The following AGK variants were observed in gnomAD, a reference collection of about 807,000 sequenced individuals.
AGK encodes acylglycerol kinase, mitochondrial.
Under a neutral mutation model 66.4 loss-of-function variants are expected in AGK, and 52 were observed. That is an observed-to-expected ratio of 0.78 (90% confidence interval 0.63 to 0.99). AGK has a LOEUF of 0.99. Among genes scored for constraint, AGK ranks in the 50% least tolerant of loss-of-function variants. The pLI is 0.00. For missense variants in AGK, 451 were observed against 506.6 expected (o/e 0.89, Z 1.05); for synonymous variants, 182 against 181.1 (o/e 1.00, Z -0.04).
intron 5 of AGK, among the ~76,000 whole-genome samples, chr7:141,604,408 A>ATACATACACACACACACATATTATT (rs1796411408): frequency 6.8e-6 from 1 of 146,174 alleles, no homozygotes; most frequent in Non-Finnish European, 1.5e-5. Flanking sequence ...ATATATACAC[A>ATACATACACACACACACATATTATT]TACATACACA....
At chr7:141,642,156 T>G (rs1210119166) in intron 13 of AGK, among the ~76,000 whole-genome samples, 2 of 152,184 alleles carry the variant, frequency 1.3e-5, no homozygotes, top group East Asian at 3.9e-4. Flanking sequence ...TAATTGGCAT[T>G]CAGAGAACTT....
Position 141,633,905 on chromosome 7 carries a change from A to G in AGK, c.593A>G (p.Glu198Gly), listed in dbSNP as rs781292634. 1.2e-6 allele frequency: 2 copies of G among 1,613,450 alleles called. No homozygotes were observed. The highest frequency in any genetic ancestry group is 2.7e-5 in the African/African-American group (2 of 74,920). ...TGAAATGTATTTAACTTCCAGGGTG[A>G]AAAGGAACAGCCTGTATTTGCAATG... ...VPLDVLQIKG[E>G]KEQPVFAMTG... The change falls in exon 10 of 16, where the codon GAA (glutamate) becomes GGA (glycine). Residue 198 changes from glutamate to glycine, a missense_variant. By Grantham distance (98) the Glu-to-Gly change is moderately conservative. Coordinates refer to ENST00000649286, the MANE Select transcript of AGK (RefSeq NM_018238.4).
Position 141,651,600 on chromosome 7 carries a change from T to C in AGK, c.1122T>C (p.Leu374=), listed in dbSNP as rs1269406017. The C allele has an allele frequency of 1.2e-6, 2 of 1,614,104 alleles. No individual in the cohort carries two copies. The highest frequency in any genetic ancestry group is 2.7e-5 in the African/African-American group (2 of 74,934). Residue 374 remains leucine, a synonymous_variant, in exon 15 of 16, where the codon CTT becomes CTC. Coordinates refer to ENST00000649286, the MANE Select transcript of AGK (RefSeq NM_018238.4). The part of the protein sequence containing the change: ...ECLQASQCTL[L]IPEGAGGSFS... ...TCCAAGCCAGCCAGTGCACTTTGCT[T>C]ATCCCGGAGGTGAGTGGGGAAGGGG...
chr7:141,560,693 T>C (rs2116855057), intron 2 of AGK, among the ~76,000 whole-genome samples: 1 of 152,240 alleles, frequency 6.6e-6, no homozygotes, highest in Admixed American at 6.5e-5. Flanking sequence ...TAGCTCTCAC[T>C]TATAAATGAG....
chr7:141,571,424 A>T (rs1338935749), intron 2 of AGK, among the ~76,000 whole-genome samples: 1 of 152,214 alleles, frequency 6.6e-6, no homozygotes, highest in Non-Finnish European at 1.5e-5. Context: ...CCAGATCCCT[A>T]GATGATGTGT....
chr7:141,581,854 T>C (rs1005589282), intron 2 of AGK, among the ~76,000 whole-genome samples: 1 of 151,944 alleles, frequency 6.6e-6, no homozygotes, highest in Admixed American at 6.5e-5. Flanking sequence ...AAAAGAATGT[T>C]GTCCAAGTTG....
At chr7:141,572,838 T>C (rs1458050574) in intron 2 of AGK, among the ~76,000 whole-genome samples, 1 of 152,108 alleles carries the variant, frequency 6.6e-6, no homozygotes, top group Admixed American at 6.6e-5. Context: ...CGGGGTAAAT[T>C]ATGCATAAGC....
chr7:141,652,681 G>T (rs1472418229), intron 15 of AGK, 106 bp from the exon 16 acceptor site: 2 of 1,214,240 alleles, frequency 1.6e-6, no homozygotes, highest in Non-Finnish European at 2.4e-6. Context: ...CCTCAAGAGA[G>T]GATGTTGTTT....
rs553021046 is a variant in AGK, at chr7:141,617,008, C to T, written c.518+1443C>T. ...TCCTGACCTCGTGATCCGCCCGCCT[C>T]GGCCTCCCAAAGTCAGTTGGCCATA... is the stretch of plus-strand genomic sequence containing the variant. On this transcript the variant is annotated intron_variant, in intron 8 of 15. Coordinates refer to ENST00000649286, the MANE Select transcript of AGK (RefSeq NM_018238.4). Among the ~76,000 whole-genome samples the T allele has an allele frequency of 2.7e-3, 415 of 152,152 alleles. 2 individuals carry two copies. Among genetic ancestry groups the T allele is most frequent in the African/African-American group, 9.5e-3 (395 of 41,518 alleles).
rs561308727 is a variant in AGK at position 141,643,299 on chromosome 7, T to C, written c.975+1391T>C. Among the ~76,000 whole-genome samples the C allele has an allele frequency of 2.4e-4, 36 of 152,310 alleles. No individual in the cohort carries two copies. In the South Asian group the frequency reaches 6.6e-3, roughly 28 times the overall value. ...GGTAAATGGCACACGTTTATACCTA[T>C]GTAACAAGGCTGCGCCTCCTGTGTA... is the stretch of plus-strand genomic sequence containing the variant. On this transcript the variant is annotated intron_variant, in intron 13 of 15. Coordinates refer to ENST00000649286, the MANE Select transcript of AGK (RefSeq NM_018238.4).
intron 4 of AGK, among the ~76,000 whole-genome samples, chr7:141,599,680 A>G (rs1234609406): frequency 6.6e-6 from 1 of 152,154 alleles, no homozygotes; most frequent in Non-Finnish European, 1.5e-5. Flanking sequence ...TCAATCTAGT[A>G]ATGAAAGCAA....
intron 5 of AGK, among the ~76,000 whole-genome samples, chr7:141,602,191 G>T (rs1796362828): frequency 1.3e-5 from 2 of 150,842 alleles, no homozygotes; most frequent in African/African-American, 4.9e-5. Flanking sequence ...GTGTGTGTGT[G>T]TGTGTGTGTG....
chr7:141,635,071 T>C (rs996182953), intron 10 of AGK, among the ~76,000 whole-genome samples: 1 of 152,162 alleles, frequency 6.6e-6, no homozygotes, highest in African/African-American at 2.4e-5. Context: ...ACTGCTTAGC[T>C]TTCCCCAAAA....
At chr7:141,593,087 T>C in intron 2 of AGK, 59 bp from the exon 3 acceptor site, 1 of 1,471,352 alleles carries the variant, frequency 6.8e-7, no homozygotes, top group South Asian at 1.2e-5. Context: ...GCTCACAAAT[T>C]TTGTTTGGAT....
intron 2 of AGK, among the ~76,000 whole-genome samples, chr7:141,571,900 T>C (rs1795616519): frequency 6.6e-6 from 1 of 152,236 alleles, no homozygotes; most frequent in African/African-American, 2.4e-5. Flanking sequence ...TTTCTTCTTC[T>C]TTAGTCTTTT....
intron 6 of AGK, among the ~76,000 whole-genome samples, chr7:141,612,524 C>G (rs978295317): frequency 1.3e-5 from 2 of 151,922 alleles, no homozygotes; most frequent in African/African-American, 2.4e-5. Context: ...CTAGTGTAAA[C>G]GATGGACTTT....
chr7:141,622,664 G>A (rs1432547417), intron 9 of AGK, among the ~76,000 whole-genome samples: 1 of 152,168 alleles, frequency 6.6e-6, no homozygotes, highest in African/African-American at 2.4e-5. Context: ...TCTGTTCCCT[G>A]TGACACAACA....
intron 2 of AGK, among the ~76,000 whole-genome samples, chr7:141,587,179 T>C (rs1315776401): frequency 6.6e-6 from 1 of 152,204 alleles, no homozygotes; most frequent in African/African-American, 2.4e-5. Flanking sequence ...CCCCTCACCT[T>C]TTCTTTAATT....
At chr7:141,564,130 A>G (rs1006385833) in intron 2 of AGK, among the ~76,000 whole-genome samples, 1 of 152,166 alleles carries the variant, frequency 6.6e-6, no homozygotes, top group African/African-American at 2.4e-5. Flanking sequence ...CCTGCTGATT[A>G]AACCTTTTGA....
Sources: gnomAD v4.1 joint callset for allele counts (sites outside exome capture counted in the v4.1 genomes callset) on GRCh38, gnomAD v4.1.1 for gene constraint, MANE v1.5 for transcripts, NCBI Gene and HGNC (gene_info 2026-07-23, HGNC 2026-07-21) for gene names.